The following RIC1 variants were observed in gnomAD, a reference collection of about 807,000 sequenced individuals.
The protein encoded by RIC1 is guanine nucleotide exchange factor subunit RIC1.
In RIC1, 88 loss-of-function variants were observed where a neutral mutation model predicts 169.0. That is an observed-to-expected ratio of 0.52 (90% CI 0.44 to 0.62). The LOEUF (loss-of-function observed/expected upper bound fraction) is 0.62, where lower values mean the gene tolerates loss of function less well. Among genes scored for constraint, RIC1 ranks in the 20% least tolerant of loss-of-function variants. RIC1 has a pLI of 0.00. For synonymous variants in RIC1, 790 were observed against 601.5 expected (o/e 1.31, Z -4.59); for missense variants, 1,877 against 1,725.5 (o/e 1.09, Z -1.56).
intron 1 of RIC1, among the ~76,000 whole-genome samples, chr9:5,637,267 C>G (rs527704820): frequency 5.4e-4 from 82 of 152,010 alleles, no homozygotes; most frequent in African/African-American, 2.0e-3. Context: ...TGGGATTTCA[C>G]CATGTTGCCC....
In RIC1 at chr9:5,720,674, T is replaced by A. The variant is rs1256482248; in HGVS notation, c.644T>A (p.Leu215His). The part of the protein sequence containing the change: ...HIRDMEYCAT[L>H]DGFAVVFNDG... ...AGAGACATGGAATACTGTGCCACAC[T>A]TGATGGGTTTGCTGTTGTATTTAAT... is the stretch of plus-strand genomic sequence containing the variant. The change falls in exon 6 of 26, where the codon CTT becomes CAT. Residue 215 changes from leucine to histidine, a missense_variant. Physicochemically the swap from Leu to His is moderately conservative, Grantham distance 99 (BLOSUM62 -3). This residue lies in a region of RIC1 where 1,104 missense variants were observed against 992.0 expected (regional missense o/e 1.11). Transcript: ENST00000414202. 6.2e-7 allele frequency: 1 copy of A among 1,612,460 alleles called. No individual in the cohort carries two copies.
At chr9:5,725,016 C>T (rs1823871512) in intron 6 of RIC1, among the ~76,000 whole-genome samples, 2 of 152,052 alleles carry the variant, frequency 1.3e-5, no homozygotes, top group African/African-American at 4.8e-5. Context: ...GTCTAATATT[C>T]TCTTTTTTTG....
At chr9:5,684,116 G>A (rs1223518798) in intron 2 of RIC1, among the ~76,000 whole-genome samples, 7 of 152,036 alleles carry the variant, frequency 4.6e-5, no homozygotes, top group Non-Finnish European at 7.4e-5. Flanking sequence ...GCCTTGCCCT[G>A]CTTCAGCTCA....
At chr9:5,723,127 G>C (rs879822984) in intron 6 of RIC1, among the ~76,000 whole-genome samples, 4 of 152,188 alleles carry the variant, frequency 2.6e-5, no homozygotes, top group African/African-American at 9.7e-5. Context: ...TTGAAGAATC[G>C]CCACACTGTC....
At chr9:5,653,278 C>T (rs1818908733) in intron 1 of RIC1, among the ~76,000 whole-genome samples, 2 of 152,122 alleles carry the variant, frequency 1.3e-5, no homozygotes, top group African/African-American at 4.8e-5. Context: ...TATTCTGTTC[C>T]ATTGATTGAT....
intron 2 of RIC1, among the ~76,000 whole-genome samples, chr9:5,684,865 T>A (rs906329003): frequency 2.0e-5 from 3 of 152,232 alleles, no homozygotes; most frequent in Non-Finnish European, 4.4e-5. Context: ...TGAGAATTTT[T>A]AATCAGGAAT....
chr9:5,737,603 T>TG, intron 7 of RIC1, among the ~76,000 whole-genome samples: 2 of 33,386 alleles, frequency 6.0e-5, no homozygotes, highest in Non-Finnish European at 5.2e-5. Flanking sequence ...CACACACATG[T>TG]TTTATATCTT....
chr9:5,743,680 C>G lies in RIC1; in HGVS notation c.1047-9C>G. On this transcript the variant is annotated splice_polypyrimidine_tract_variant and intron_variant, in intron 9 of 25. Transcript: ENST00000414202. The stretch of plus-strand genomic sequence containing the variant: ...GGCTGTATTATATTTAGTTTCTGTT[C>G]TGTTTCAGTTATAGGTCTGATGGCA... 1.9e-6 allele frequency: 3 copies of G among 1,596,202 alleles called. No individual in the cohort carries two copies. Among genetic ancestry groups the G allele is most frequent in the South Asian group, 2.2e-5 (2 of 89,766 alleles).
chr9:5,708,150 T>G (rs1371111795), intron 3 of RIC1, among the ~76,000 whole-genome samples: 2 of 152,174 alleles, frequency 1.3e-5, no homozygotes, highest in African/African-American at 4.8e-5. Flanking sequence ...CAACTTAGCT[T>G]CAATAATATC....
chr9:5,707,392 T>G (rs192498408), intron 3 of RIC1, among the ~76,000 whole-genome samples: 2 of 152,272 alleles, frequency 1.3e-5, no homozygotes, highest in East Asian at 3.9e-4. Flanking sequence ...TAGGTCTAAG[T>G]GGTTTATATA....
chr9:5,736,869 G>A (rs545876512), intron 7 of RIC1, among the ~76,000 whole-genome samples: 1 of 152,044 alleles, frequency 6.6e-6, no homozygotes, highest in African/African-American at 2.4e-5. Flanking sequence ...CTTTAAGGAG[G>A]CTACTATTGC....
chr9:5,763,117 G>T lies in RIC1; in HGVS notation c.2113-23G>T. On this transcript the variant is annotated intron_variant, in intron 18 of 25. Coordinates refer to ENST00000414202, the MANE Select transcript of RIC1 (RefSeq NM_020829.4). This position sits in a 1 kb window ranked among gnomAD's most constrained non-coding sequence, Gnocchi z 5.2. ...TGCAGATTTAATAGGAAAACAACTTGATTCTTGTCTCTCCTTCTCCAGCTG... is the reference window on the plus strand; with the variant it reads ...TGCAGATTTAATAGGAAAACAACTTTATTCTTGTCTCTCCTTCTCCAGCTG... 3 of 1,604,100 alleles carry T rather than the reference G, an allele frequency of 1.9e-6. No individual in the cohort carries two copies. The highest frequency in any genetic ancestry group is 1.1e-5 in the South Asian group (1 of 89,810).
rs149844862 is a variant in RIC1 at position 5,774,080 on chromosome 9, A to C, written c.4106A>C (p.Gln1369Pro). The change falls in exon 26 of 26, where the codon CAG becomes CCG. Residue 1369 changes from glutamine to proline, a missense_variant. Coordinates refer to ENST00000414202, the MANE Select transcript of RIC1 (RefSeq NM_020829.4). ...ATAACTATGGGTAAGACTCCAGAAC[A>C]GACTAGCCCCCGGGCAGAGGAGAGC... is the stretch of plus-strand genomic sequence containing the variant. ...QPITMGKTPE[Q>P]TSPRAEESRG... The C allele has an allele frequency of 3.5e-4, 571 of 1,614,130 alleles. 3 individuals are homozygous for C. The African/African-American group carries it at 6.8e-3, about 19-fold the overall frequency.
chr9:5,732,866 G>A (rs779184715), intron 7 of RIC1, among the ~76,000 whole-genome samples: 9 of 152,054 alleles, frequency 5.9e-5, no homozygotes, highest in Non-Finnish European at 1.0e-4. Context: ...GTGTGCTTTA[G>A]TTAACAAGCA....
At chr9:5,681,087 A>G (rs1221713212) in intron 2 of RIC1, among the ~76,000 whole-genome samples, 1 of 151,520 alleles carries the variant, frequency 6.6e-6, no homozygotes, top group Admixed American at 6.6e-5. Context: ...CGGCCTCCCA[A>G]AGTGCTGGGA....
At chr9:5,750,202 A>G (rs1825640534) in intron 12 of RIC1, among the ~76,000 whole-genome samples, 1 of 151,916 alleles carries the variant, frequency 6.6e-6, no homozygotes, top group African/African-American at 2.4e-5. Context: ...TTTACAGAAC[A>G]CAAAGTTTCT....
At chr9:5,691,833 C>G (rs760961249) in intron 3 of RIC1, among the ~76,000 whole-genome samples, 1 of 151,950 alleles carries the variant, frequency 6.6e-6, no homozygotes, top group Non-Finnish European at 1.5e-5. Context: ...AGAGAAATAA[C>G]TTCTCTTGAA....
rs148768113 is a variant in RIC1 at position 5,661,860 on chromosome 9, A to G, written c.252+5170A>G. Among the ~76,000 whole-genome samples the G allele has an allele frequency of 1.7e-4, 26 of 152,234 alleles. No individual in the cohort carries two copies. In the East Asian group the frequency reaches 4.6e-3, roughly 27 times the overall value. On this transcript the variant is annotated intron_variant, in intron 2 of 25. Coordinates refer to ENST00000414202, the MANE Select transcript of RIC1 (RefSeq NM_020829.4). ...CTGATTGCCCCAGCCAGAACTGCCA[A>G]TACTATGTTGAATAGGACTGGTGAG... is the stretch of plus-strand genomic sequence containing the variant.
intron 2 of RIC1, among the ~76,000 whole-genome samples, chr9:5,674,685 G>C (rs1329662673): frequency 6.6e-6 from 1 of 152,138 alleles, no homozygotes; most frequent in Non-Finnish European, 1.5e-5. Flanking sequence ...GATGCCAGAC[G>C]AATACATAAT....
Sources: gnomAD v4.1 joint callset for allele counts (sites outside exome capture counted in the v4.1 genomes callset) on GRCh38, gnomAD v4.1.1 for gene constraint, gnomAD v4.1.1 regional missense constraint, Gnocchi (gnomAD v3.1) non-coding constraint, MANE v1.5 for transcripts, NCBI Gene and HGNC (gene_info 2026-07-23, HGNC 2026-07-21) for gene names.